MEDAG: variants seen among roughly 807,000 people sequenced by gnomAD.
MEDAG encodes the protein mesenteric estrogen-dependent adipogenesis protein.
MEDAG carries 25 observed loss-of-function variants against 29.9 expected under a neutral mutation model. The ratio of observed to expected loss-of-function variants is 0.84; its 90% CI spans 0.61 to 1.17. MEDAG has a LOEUF of 1.17. Ranked by LOEUF, MEDAG falls within the 50% of genes most tolerant of loss-of-function variation. The pLI, the probability that MEDAG is intolerant of heterozygous loss-of-function variation, is 0.00. For synonymous variants in MEDAG, 158 were observed against 148.2 expected (o/e 1.07, Z -0.48); for missense variants, 398 against 372.9 (o/e 1.07, Z -0.56).
chr13:30,909,607 C>T (rs2039870644), intron 1 of MEDAG, among the ~76,000 whole-genome samples: 1 of 152,128 alleles, frequency 6.6e-6, no homozygotes, highest in Admixed American at 6.5e-5. Context: ...TGCTGACCAT[C>T]CAGGATGTTC....
In MEDAG at chr13:30,912,061, G is replaced by C. The variant is rs150938646; in HGVS notation, c.278+5268G>C. On this transcript the variant is annotated intron_variant, in intron 1 of 4. Coordinates refer to ENST00000380482, the MANE Select transcript of MEDAG (RefSeq NM_032849.4). ...TGTCCCCAGTGCCCAGCACACAGTA[G>C]GTACTCAGTAATCGTTCCTTCCATG... 1.1e-4 allele frequency among the ~76,000 whole-genome samples: 17 copies of C among 152,230 alleles called. No individual in the cohort carries two copies. The East Asian group carries it at 3.3e-3, about 29-fold the overall frequency.
At chr13:30,924,158 C>T (rs1953017205) in intron 4 of MEDAG, among the ~76,000 whole-genome samples, 153 bp from the exon 5 acceptor site, 1 of 152,148 alleles carries the variant, frequency 6.6e-6, no homozygotes, top group Admixed American at 6.5e-5. Flanking sequence ...GAAAAAGCAA[C>T]ACATTTCTGT....
In MEDAG at chr13:30,915,170, C is replaced by G. The variant is rs182696522; in HGVS notation, c.279-2233C>G. ...TTTCTCCCTCTGTATCCTCACCCCCCACGTAACAACATACTTCACCTTCTC... is the reference window on the plus strand; with the variant it reads ...TTTCTCCCTCTGTATCCTCACCCCCGACGTAACAACATACTTCACCTTCTC... On this transcript the variant is annotated intron_variant, in intron 1 of 4. Coordinates refer to ENST00000380482, the MANE Select transcript of MEDAG (RefSeq NM_032849.4). 2.2e-4 allele frequency among the ~76,000 whole-genome samples: 33 copies of G among 152,216 alleles called. 2 individuals are homozygous for G. The South Asian group carries it at 6.4e-3, about 30-fold the overall frequency.
At chr13:30,919,300 T>C (rs1222050119) in intron 2 of MEDAG, among the ~76,000 whole-genome samples, 4 of 152,258 alleles carry the variant, frequency 2.6e-5, no homozygotes, top group Non-Finnish European at 5.9e-5. Flanking sequence ...ACTGCACTTT[T>C]GTGCAAATCA....
At chr13:30,911,627 C>T (rs1952883201) in intron 1 of MEDAG, among the ~76,000 whole-genome samples, 1 of 152,138 alleles carries the variant, frequency 6.6e-6, no homozygotes, top group Non-Finnish European at 1.5e-5. Flanking sequence ...CCAGGCCCCT[C>T]CTGACTTGCT....
Position 30,910,703 on chromosome 13 carries a change from T to A in MEDAG, c.278+3910T>A, listed in dbSNP as rs983964274. Among the ~76,000 whole-genome samples, 9 of 152,258 alleles carry A rather than the reference T, an allele frequency of 5.9e-5. 1 individual carries two copies. In the Middle Eastern group the frequency reaches 9.5e-3, roughly 161 times the overall value. ...AAGGAAGCCACTAAAAGCAGAGCTG[T>A]GACCTGCTCCTGGATGGGTGACAGT... On this transcript the variant is annotated intron_variant, in intron 1 of 4. Coordinates refer to ENST00000380482, the MANE Select transcript of MEDAG (RefSeq NM_032849.4).
rs373323371 is a variant in MEDAG, at chr13:30,924,410, A to G, written c.887A>G (p.Glu296Gly). 3.1e-6 allele frequency: 5 copies of G among 1,613,950 alleles called. No homozygotes were observed. The African/African-American group carries it at 6.7e-5, about 22-fold the overall frequency. Residue 296 changes from glutamate (E) to glycine (G), a missense_variant, in exon 5 of 5, where the codon GAA becomes GGA. Coordinates refer to ENST00000380482, the MANE Select transcript of MEDAG (RefSeq NM_032849.4). ...CCATTTCCAAGTGTTCTGGAATCTG[A>G]AGAGACACCCAACCAATTTATCTGA... ...ELPFPSVLESEETPNQFI is the reference protein window; with the variant it reads ...ELPFPSVLESGETPNQFI
In MEDAG at chr13:30,921,767, G is replaced by T. The variant is rs755436482; in HGVS notation, c.708G>T (p.Lys236Asn). The T allele has an allele frequency of 1.2e-6, 2 of 1,613,518 alleles. No homozygotes were observed. The highest frequency in any genetic ancestry group is 2.2e-5 in the East Asian group (1 of 44,848). The change falls in exon 4 of 5, where the codon AAG becomes AAT. Residue 236 changes from lysine to asparagine, a missense_variant. Transcript: ENST00000380482. ...GTCCAGAAAAGAAGGAGACGATTAAGTTATTTCTGGAAAAAATGAGTGAGC... is the reference window on the plus strand; with the variant it reads ...GTCCAGAAAAGAAGGAGACGATTAATTTATTTCTGGAAAAAATGAGTGAGC... ...STSPEKKETI[K>N]LFLEKMSEPL...
chr13:30,906,899 C>T (rs991939297), intron 1 of MEDAG, 106 bp downstream of exon 1: 8 of 1,154,040 alleles, frequency 6.9e-6, no homozygotes, highest in African/African-American at 1.6e-5. Flanking sequence ...CCTGCGACAC[C>T]GCGTGGCCCC....
At chr13:30,910,399 A>G (rs942551662) in intron 1 of MEDAG, among the ~76,000 whole-genome samples, 1 of 152,258 alleles carries the variant, frequency 6.6e-6, no homozygotes, top group African/African-American at 2.4e-5. Context: ...AGTATTTCAC[A>G]GCTACTATCT....
chr13:30,922,291 CGTT>C (rs1952996105), intron 4 of MEDAG: 1 of 146,776 alleles, frequency 6.8e-6, no homozygotes. Flanking sequence ...GTTTCACTCT[CGTT>C]GTCCAGGCTG....
At chr13:30,914,883 G>A (rs140192663) in intron 1 of MEDAG, among the ~76,000 whole-genome samples, 6 of 152,278 alleles carry the variant, frequency 3.9e-5, no homozygotes, top group Non-Finnish European at 5.9e-5. Flanking sequence ...AATGCCATGC[G>A]CTTTCCATTA....
intron 1 of MEDAG, among the ~76,000 whole-genome samples, chr13:30,910,986 C>T (rs1376713075): frequency 1.3e-5 from 2 of 152,216 alleles, no homozygotes; most frequent in African/African-American, 4.8e-5. Flanking sequence ...GCAGGACACA[C>T]AGTGATGTTG....
chr13:30,921,960 T>G, intron 4 of MEDAG, 114 bp downstream of exon 4: 1 of 1,138,272 alleles, frequency 8.8e-7, no homozygotes, highest in South Asian at 1.7e-5. Flanking sequence ...GAAAGGGAAA[T>G]AGATCACAAA....
intron 2 of MEDAG, among the ~76,000 whole-genome samples, chr13:30,920,103 C>T (rs923414637): frequency 2.6e-5 from 4 of 152,130 alleles, no homozygotes; most frequent in Non-Finnish European, 4.4e-5. Context: ...GAATCAACCT[C>T]TGGTTGCCTT....
chr13:30,915,762 A>ATG (rs2138121328), intron 1 of MEDAG, among the ~76,000 whole-genome samples: 1 of 152,102 alleles, frequency 6.6e-6, no homozygotes, highest in South Asian at 2.1e-4. Flanking sequence ...TACCAAAGCC[A>ATG]TGTGTGGGTC....
intron 1 of MEDAG, among the ~76,000 whole-genome samples, chr13:30,910,081 C>A (rs915470257): frequency 6.6e-6 from 1 of 151,996 alleles, no homozygotes; most frequent in African/African-American, 2.4e-5. Context: ...GATTTTCGCC[C>A]ATGTTGTAAA....
intron 1 of MEDAG, among the ~76,000 whole-genome samples, chr13:30,911,343 C>T (rs1952880180): frequency 6.6e-6 from 1 of 152,120 alleles, no homozygotes; most frequent in Admixed American, 6.5e-5. Flanking sequence ...AATGTGCCAC[C>T]TGACCATCTT....
chr13:30,924,811 C>T lies in MEDAG; in HGVS notation c.*376C>T, dbSNP rs551008588. The stretch of plus-strand genomic sequence containing the variant: ...TTGTGGCAGCCTTTGTGGGAGTGGT[C>T]TGACTGGCTGTTGACCTAGCATGCT... On this transcript the variant is annotated 3_prime_UTR_variant, in exon 5 of 5. Transcript: ENST00000380482. 1.4e-4 allele frequency: 23 copies of T among 162,302 alleles called. No individual in the cohort carries two copies. In the South Asian group the frequency reaches 3.8e-3, roughly 27 times the overall value. The allele number at this position is 162,302 out of a possible 1,614,324, so 10.1% of individuals were successfully genotyped here. A position where few individuals can be genotyped will look rare whatever the true frequency, so the allele number is the denominator to read the frequency against.
Sources: allele counts gnomAD v4.1 joint callset (sites outside exome capture counted in the v4.1 genomes callset), GRCh38; gene constraint gnomAD v4.1.1; transcripts MANE v1.5; gene names NCBI Gene and HGNC (gene_info 2026-07-23, HGNC 2026-07-21).